The following NLRP5 variants were observed in gnomAD, a reference collection of about 807,000 sequenced individuals.
NLRP5 encodes the protein NACHT, LRR and PYD domains-containing protein 5.
A neutral mutation model predicts 113.1 loss-of-function variants in NLRP5; 93 were observed. The observed-to-expected ratio is 0.82, with a 90% CI of 0.70 to 0.98. The LOEUF (loss-of-function observed/expected upper bound fraction) is 0.98, where lower values mean the gene tolerates loss of function less well. Ranked by LOEUF, NLRP5 falls within the 50% of genes least tolerant of loss-of-function variation. The probability of loss-of-function intolerance (pLI) is 0.00; values close to 1 mark genes in which losing one functional copy is unlikely to be tolerated. For missense variants in NLRP5, 1,808 were observed against 1,514.3 expected, an observed-to-expected ratio of 1.19 and a Z score of -3.22; for synonymous variants, 751 against 600.7, an observed-to-expected ratio of 1.25 and a Z score of -3.66.
At chr19:56,059,085 TTA>T (rs1474573525) in intron 14 of NLRP5, among the ~76,000 whole-genome samples, 1 of 152,206 alleles carries the variant, frequency 6.6e-6, no homozygotes, top group Non-Finnish European at 1.5e-5. Context: ...GTGCAGAGTT[TTA>T]GTTTTGCAAG....
chr19:56,057,643 C>A (rs921972520), intron 13 of NLRP5, among the ~76,000 whole-genome samples: 1 of 152,166 alleles, frequency 6.6e-6, no homozygotes, highest in Non-Finnish European at 1.5e-5. Context: ...GCCTTTCTTT[C>A]ATTGTTTTCC....
Position 56,050,469 on chromosome 19 carries a change from G to A in NLRP5, c.3009G>A (p.Ala1003=), listed in dbSNP as rs897095519. The A allele has an allele frequency of 2.0e-5, 32 of 1,613,722 alleles. No individual in the cohort carries two copies. Among genetic ancestry groups the A allele is most frequent in the Middle Eastern group, 1.6e-4 (1 of 6,076 alleles). ...CTGGCTGTGGTTTTCTTGCACTTGCGCTTATGGGTAACTCATGGCTGACGC... is the reference window on the plus strand; with the variant it reads ...CTGGCTGTGGTTTTCTTGCACTTGCACTTATGGGTAACTCATGGCTGACGC... Residue 1003 remains alanine (A), a synonymous_variant, in exon 12 of 15, where the codon GCG becomes GCA. Transcript: ENST00000390649.
At chr19:56,042,058 G>A in intron 11 of NLRP5, among the ~76,000 whole-genome samples, 1 of 152,164 alleles carries the variant, frequency 6.6e-6, no homozygotes, top group Non-Finnish European at 1.5e-5. Flanking sequence ...GCTGAAATCA[G>A]TTCAGCCTCC....
chr19:56,055,455 T>C (rs1365413149), intron 13 of NLRP5, among the ~76,000 whole-genome samples: 1 of 151,478 alleles, frequency 6.6e-6, no homozygotes, highest in African/African-American at 2.4e-5. Context: ...TTATCTTATT[T>C]CTTATTAAAT....
the NLRP5 span, among the ~76,000 whole-genome samples, chr19:55,992,907 T>C: frequency 6.6e-6 from 1 of 152,020 alleles, no homozygotes; most frequent in African/African-American, 2.4e-5. Context: ...TGGAGTGCAA[T>C]GGTGCAATCT....
chr19:56,028,980 G>C (rs1285323734), intron 7 of NLRP5, among the ~76,000 whole-genome samples: 4 of 151,920 alleles, frequency 2.6e-5, no homozygotes, highest in Non-Finnish European at 4.4e-5. Context: ...GGCCAGGCTG[G>C]TCTCGAACTC....
chr19:56,055,537 CTTTTTT>C (rs1160965587), intron 13 of NLRP5, among the ~76,000 whole-genome samples: 844 of 76,418 alleles, frequency 0.011, 15 homozygotes, highest in African/African-American at 0.038. Context: ...CTTTCTCTGT[CTTTTTT>C]TTTTTTTTTT....
chr19:56,015,832 C>T (rs1240994996), intron 4 of NLRP5, 34 bp downstream of exon 4: 1 of 1,512,768 alleles, frequency 6.6e-7, no homozygotes, highest in Non-Finnish European at 8.9e-7. Context: ...TTGTTGCCCT[C>T]CTGGAAGAAA....
intron 11 of NLRP5, 66 bp from the exon 12 acceptor site, chr19:56,050,352 A>G: frequency 6.9e-7 from 1 of 1,454,990 alleles, no homozygotes; most frequent in Non-Finnish European, 9.5e-7. Flanking sequence ...GGAGAGCAGC[A>G]GCTCACTTGA....
At chr19:56,024,489 G>T (rs1295722900) in intron 6 of NLRP5, among the ~76,000 whole-genome samples, 1 of 143,564 alleles carries the variant, frequency 7.0e-6, no homozygotes, top group Admixed American at 7.1e-5. Flanking sequence ...ACGTACATGC[G>T]TATATACATA....
At position 56,058,618 on chromosome 19, in the gene NLRP5, C is replaced by T. The variant is rs186386929; in HGVS notation, c.3470+208C>T. On this transcript the variant is annotated intron_variant, in intron 14 of 14. Coordinates refer to ENST00000390649, the MANE Select transcript of NLRP5 (RefSeq NM_153447.4). ...GAGATAGAGGCCAGGTGCCTGATAT[C>T]ATGGAGTTCACTTCTGGGTAGGTTG... Among the ~76,000 whole-genome samples, 27 of 152,284 alleles carry T rather than the reference C, an allele frequency of 1.8e-4. No individual in the cohort carries two copies. The East Asian group carries it at 5.2e-3, about 29-fold the overall frequency.
At chr19:56,056,538 C>T (rs947048715) in intron 13 of NLRP5, among the ~76,000 whole-genome samples, 3 of 151,992 alleles carry the variant, frequency 2.0e-5, no homozygotes, top group Admixed American at 1.3e-4. Context: ...GCCTGGGCAA[C>T]AGAGCGAGAC....
chr19:56,021,019 C>T (rs1308832346), intron 6 of NLRP5, among the ~76,000 whole-genome samples: 2 of 151,758 alleles, frequency 1.3e-5, no homozygotes, highest in Non-Finnish European at 2.9e-5. Context: ...GATTACAGGC[C>T]TGCCACCATG....
chr19:56,000,479 C>A (rs982418767), intron 1 of NLRP5, among the ~76,000 whole-genome samples: 1 of 151,996 alleles, frequency 6.6e-6, no homozygotes, highest in African/African-American at 2.4e-5. Context: ...ATTCTCCTGC[C>A]TCAGCCTCCC....
At chr19:56,045,728 C>G (rs1391753817) in intron 11 of NLRP5, among the ~76,000 whole-genome samples, 2 of 152,088 alleles carry the variant, frequency 1.3e-5, no homozygotes, top group Non-Finnish European at 2.9e-5. Flanking sequence ...AAGTAACAGT[C>G]TGGGACCGTT....
At chr19:56,015,923 G>GT (rs1982386973) in intron 4 of NLRP5, 125 bp downstream of exon 4, 1 of 621,822 alleles carries the variant, frequency 1.6e-6, no homozygotes, top group African/African-American at 1.8e-5. Context: ...TCTCTGGTGT[G>GT]TGAGTCCCTC....
chr19:56,014,622 G>T (rs190322319), intron 3 of NLRP5, among the ~76,000 whole-genome samples: 1 of 152,136 alleles, frequency 6.6e-6, no homozygotes, highest in African/African-American at 2.4e-5. Context: ...ATGAAGTAGA[G>T]GGTTCAACTT....
the NLRP5 span, among the ~76,000 whole-genome samples, chr19:55,994,461 C>A: frequency 6.6e-6 from 1 of 152,100 alleles, no homozygotes; most frequent in African/African-American, 2.4e-5. Context: ...GCAGTGGCAC[C>A]ATCTCAGCTC....
chr19:55,993,824 G>A, the NLRP5 span, among the ~76,000 whole-genome samples: 1 of 151,012 alleles, frequency 6.6e-6, no homozygotes, highest in Admixed American at 6.6e-5. Flanking sequence ...ACAAATGGCA[G>A]GATTTTTTGA....
Sources: gnomAD v4.1 joint callset for allele counts (sites outside exome capture counted in the v4.1 genomes callset) on GRCh38, gnomAD v4.1.1 for gene constraint, MANE v1.5 for transcripts, NCBI Gene and HGNC (gene_info 2026-07-23, HGNC 2026-07-21) for gene names.